The following TMPO variants were observed in gnomAD, a reference collection of about 807,000 sequenced individuals.
TMPO encodes the protein LEM domain containing 4.
In TMPO, 22 loss-of-function variants were observed where a neutral mutation model predicts 45.4. That is an observed-to-expected ratio of 0.48 (90% CI 0.35 to 0.69). The LOEUF is 0.69. Ranked by LOEUF, TMPO falls within the 30% of genes least tolerant of loss-of-function variation. The pLI is 0.01. For synonymous variants in TMPO, 241 were observed against 204.1 expected (o/e 1.18, Z -1.54); for missense variants, 512 against 548.8 (o/e 0.93, Z 0.67).
At position 98,547,900 on chromosome 12, in the gene TMPO, A is replaced by G; in HGVS notation, c.*42A>G. The G allele has an allele frequency of 1.2e-6, 2 of 1,604,752 alleles. No individual in the cohort carries two copies. Among genetic ancestry groups the G allele is most frequent in the Non-Finnish European group, 1.7e-6 (2 of 1,174,004 alleles). The stretch of plus-strand genomic sequence containing the variant: ...ACGTTCAACTTGGTCTCCTATTTTC[A>G]ATAACTGTTGAAAAACATTTGTGTA... On this transcript the variant is annotated 3_prime_UTR_variant, in exon 9 of 9. Coordinates refer to ENST00000556029, the MANE Select transcript of TMPO (RefSeq NM_001032283.3).
intron 2 of TMPO, among the ~76,000 whole-genome samples, chr12:98,531,425 T>C (rs1304328050): frequency 2.0e-5 from 3 of 151,528 alleles, no homozygotes; most frequent in Non-Finnish European, 4.4e-5. Context: ...TTAGTAGAGA[T>C]AGTTTCCCTG....
intron 3 of TMPO, chr12:98,535,155 G>A (rs1877493031): frequency 2.0e-6 from 2 of 985,028 alleles, no homozygotes; most frequent in Non-Finnish European, 2.4e-6. Flanking sequence ...CTGGGATAGT[G>A]CATGTTCACC....
At chr12:98,525,022 A>G (rs916701323) in intron 1 of TMPO, among the ~76,000 whole-genome samples, 1 of 152,132 alleles carries the variant, frequency 6.6e-6, no homozygotes, top group Admixed American at 6.5e-5. Context: ...AACCTGATTG[A>G]TTGTTTTTCC....
chr12:98,544,072 C>A, intron 4 of TMPO, 158 bp from the exon 5 acceptor site: 1 of 766,364 alleles, frequency 1.3e-6, no homozygotes, highest in Non-Finnish European at 2.1e-6. Context: ...AATATCAGTT[C>A]AATTAATACA....
At chr12:98,530,293 C>T (rs1877100886) in intron 2 of TMPO, among the ~76,000 whole-genome samples, 1 of 151,388 alleles carries the variant, frequency 6.6e-6, no homozygotes, top group Non-Finnish European at 1.5e-5. Flanking sequence ...GCTATGATCG[C>T]ACCACTGCAG....
chr12:98,539,314 C>T (rs920079398), intron 4 of TMPO, among the ~76,000 whole-genome samples: 1 of 151,880 alleles, frequency 6.6e-6, no homozygotes, highest in Non-Finnish European at 1.5e-5. Flanking sequence ...GTTTAGATGA[C>T]AGGCAGAATT....
chr12:98,538,927 G>A (rs913654916), intron 4 of TMPO, among the ~76,000 whole-genome samples: 2 of 152,082 alleles, frequency 1.3e-5, no homozygotes, highest in South Asian at 4.1e-4. Flanking sequence ...TAGGCCGGGC[G>A]CGGTGGCTCA....
intron 8 of TMPO, among the ~76,000 whole-genome samples, chr12:98,547,078 C>CTTT (rs10632560): frequency 0.11 from 15,870 of 141,582 alleles, 1,039 homozygotes; most frequent in Middle Eastern, 0.16. Context: ...ATGCATCGAA[C>CTTT]TTTTTTTTTT....
intron 4 of TMPO, among the ~76,000 whole-genome samples, chr12:98,540,972 A>T (rs1877882261): frequency 6.6e-6 from 1 of 152,162 alleles, no homozygotes; most frequent in African/African-American, 2.4e-5. Flanking sequence ...TTGTCATATG[A>T]TTATTGCCTA....
At position 98,533,794 on chromosome 12, in the gene TMPO, C is replaced by T. The variant is rs758463592; in HGVS notation, c.565+1956C>T. The T allele has an allele frequency of 2.5e-6, 4 of 1,614,084 alleles. No homozygotes were observed. In the African/African-American group the frequency reaches 5.3e-5, roughly 22 times the overall value. On this transcript the variant is annotated intron_variant, in intron 3 of 8. Coordinates refer to ENST00000556029, the MANE Select transcript of TMPO (RefSeq NM_001032283.3). ...AGAATGGCAGCAAGTTGACAGGCAGCTGCCTTCACTGGCATGCAAATATCC... is the reference window on the plus strand; with the variant it reads ...AGAATGGCAGCAAGTTGACAGGCAGTTGCCTTCACTGGCATGCAAATATCC...
At chr12:98,534,909 CTG>C (rs1877479021) in intron 3 of TMPO, 11 of 972,060 alleles carry the variant, frequency 1.1e-5, no homozygotes, top group Non-Finnish European at 1.3e-5. Flanking sequence ...AGTCTACAAA[CTG>C]TTACTTATCC....
At position 98,522,454 on chromosome 12, in the gene TMPO, TA is replaced by T. The variant is rs1251301411; in HGVS notation, c.280-5431del. ...GTTAAGTTTACAGACTTGTGAATAA[TA>T]GAGTTATAGATTCAAATTCCAGGTC... On this transcript the variant is annotated intron_variant, in intron 1 of 8. Coordinates refer to ENST00000556029, the MANE Select transcript of TMPO (RefSeq NM_001032283.3). 6.6e-5 allele frequency among the ~76,000 whole-genome samples: 10 copies of T among 152,208 alleles called. No homozygotes were observed. In the South Asian group the frequency reaches 1.2e-3, roughly 19 times the overall value.
intron 8 of TMPO, among the ~76,000 whole-genome samples, chr12:98,546,947 AAC>A (rs1256266032): frequency 2.0e-5 from 3 of 152,220 alleles, no homozygotes; most frequent in Non-Finnish European, 4.4e-5. Flanking sequence ...AACTGAAAGA[AAC>A]ACAGCCAAAA....
chr12:98,544,373 G>A (rs1199145496), intron 5 of TMPO, 24 bp downstream of exon 5: 1 of 1,613,668 alleles, frequency 6.2e-7, no homozygotes, highest in Non-Finnish European at 8.5e-7. Flanking sequence ...TATTCCTTGG[G>A]TTTTCAGATT....
intron 3 of TMPO, chr12:98,533,664 C>G: frequency 6.2e-7 from 1 of 1,614,186 alleles, no homozygotes; most frequent in South Asian, 1.1e-5. Context: ...CTCATTCACT[C>G]ACTACCTTAG....
intron 4 of TMPO, among the ~76,000 whole-genome samples, chr12:98,540,098 T>A (rs36109055): frequency 0.048 from 7,264 of 152,296 alleles, 364 homozygotes; most frequent in East Asian, 0.23. Flanking sequence ...ACTGTAACTT[T>A]TTCTCTTCCC....
At chr12:98,545,652 AG>A (rs1878187992) in intron 7 of TMPO, among the ~76,000 whole-genome samples, 1 of 152,224 alleles carries the variant, frequency 6.6e-6, no homozygotes. Flanking sequence ...TAAAACATAT[AG>A]TAAAGTTTGC....
Position 98,534,091 on chromosome 12 carries a change from C to T in TMPO, c.565+2253C>T, listed in dbSNP as rs201929673. On this transcript the variant is annotated intron_variant, in intron 3 of 8. Coordinates refer to ENST00000556029, the MANE Select transcript of TMPO (RefSeq NM_001032283.3). ...TCTTAGCTCAGATCCTAGTCGTACC[C>T]ACCAAGCGCTTGGGATTCTGAGCAA... 4.3e-6 allele frequency: 7 copies of T among 1,612,636 alleles called. No homozygotes were observed. The Admixed American group carries it at 8.3e-5, about 19-fold the overall frequency.
chr12:98,519,593 A>G (rs1046802168), intron 1 of TMPO, among the ~76,000 whole-genome samples: 52 of 151,772 alleles, frequency 3.4e-4, no homozygotes, highest in African/African-American at 1.3e-3. Context: ...TATAAAGAAA[A>G]CTTACTTCAT....
Sources: allele counts gnomAD v4.1 joint callset (sites outside exome capture counted in the v4.1 genomes callset), GRCh38; gene constraint gnomAD v4.1.1; transcripts MANE v1.5; gene names NCBI Gene and HGNC (gene_info 2026-07-23, HGNC 2026-07-21).